SLC24A2: variants seen among roughly 807,000 people sequenced by gnomAD.
SLC24A2 encodes the protein solute carrier family 24 member 2, also known as sodium/potassium/calcium exchanger 2.
A neutral mutation model predicts 62.0 loss-of-function variants in SLC24A2; 36 were observed. The ratio of observed to expected loss-of-function variants is 0.58; its 90% CI spans 0.44 to 0.77. The LOEUF is 0.77. Among genes scored for constraint, SLC24A2 ranks in the 30% least tolerant of loss-of-function variants. The pLI is 0.00. For synonymous variants in SLC24A2, 358 were observed against 294.0 expected, an observed-to-expected ratio of 1.22 and a Z score of -2.23; for missense variants, 846 against 817.9, an observed-to-expected ratio of 1.03 and a Z score of -0.42.
chr9:19,892,932 G>A, the SLC24A2 span, among the ~76,000 whole-genome samples: 1 of 152,164 alleles, frequency 6.6e-6, no homozygotes, highest in Non-Finnish European at 1.5e-5. Context: ...AGTCCCCTTA[G>A]ATCATGAGAG....
At chr9:19,652,920 AAACCTTCTCTTCCATCCTGTTTC>A (rs142689632) in intron 2 of SLC24A2, among the ~76,000 whole-genome samples, 104,139 of 151,458 alleles carry the variant, frequency 0.69, 36,018 homozygotes, top group South Asian at 0.75. Flanking sequence ...ACGATGAGAC[AAACCTTCTCTTCCATCCTGTTTC>A]AACCTTCTCT....
the SLC24A2 span, among the ~76,000 whole-genome samples, chr9:20,234,266 G>C: frequency 2.0e-5 from 3 of 152,164 alleles, no homozygotes; most frequent in African/African-American, 7.2e-5. Context: ...GAATTTGAAT[G>C]TTGGCCTGCC....
At chr9:19,952,633 T>C in the SLC24A2 span, among the ~76,000 whole-genome samples, 1 of 151,536 alleles carries the variant, frequency 6.6e-6, no homozygotes, top group Non-Finnish European at 1.5e-5. Flanking sequence ...CATTGTTGGG[T>C]TTGGTTGGCT....
the SLC24A2 span, among the ~76,000 whole-genome samples, chr9:20,261,610 T>C: frequency 6.6e-6 from 1 of 152,282 alleles, no homozygotes; most frequent in Admixed American, 6.5e-5. Flanking sequence ...CACGTGAATT[T>C]TGGGGGATGC....
the SLC24A2 span, among the ~76,000 whole-genome samples, chr9:19,806,271 C>A: frequency 1.3e-4 from 20 of 152,088 alleles, no homozygotes; most frequent in Admixed American, 1.3e-3. Context: ...AGCTTCTAGC[C>A]ATTAACTAAA....
the SLC24A2 span, among the ~76,000 whole-genome samples, chr9:19,980,045 G>C: frequency 6.6e-6 from 1 of 152,224 alleles, no homozygotes; most frequent in Non-Finnish European, 1.5e-5. Context: ...GAAGACGCAT[G>C]TAAAGGAAAT....
rs536467829 is a variant in SLC24A2, at chr9:19,512,077, C to G, written c.*4076G>C. ...TTGGTCAACTTTTTGTTAAAGTGGT[C>G]TGGGGGTGGGCTCCCTTTGTAGCTC... On this transcript the variant is annotated 3_prime_UTR_variant, in exon 11 of 11. Coordinates refer to ENST00000341998, the MANE Select transcript of SLC24A2 (RefSeq NM_020344.4). 2.0e-5 allele frequency: 3 copies of G among 152,238 alleles called. No individual in the cohort carries two copies. In the South Asian group the frequency reaches 6.2e-4, roughly 32 times the overall value. 9.4% of individuals were successfully genotyped at this position (152,238 alleles called of 1,614,324 possible).
the SLC24A2 span, among the ~76,000 whole-genome samples, chr9:20,201,955 T>C: frequency 1.3e-5 from 2 of 151,884 alleles, no homozygotes; most frequent in African/African-American, 2.4e-5. Context: ...GAGGGAATTG[T>C]AGAAAAAAAG....
chr9:19,922,406 T>C, the SLC24A2 span, among the ~76,000 whole-genome samples: 1 of 152,236 alleles, frequency 6.6e-6, no homozygotes, highest in African/African-American at 2.4e-5. Context: ...AATCTTTTTA[T>C]GCACCCTATT....
chr9:20,210,794 G>T, the SLC24A2 span, among the ~76,000 whole-genome samples: 9 of 150,046 alleles, frequency 6.0e-5, no homozygotes, highest in African/African-American at 2.2e-4. Flanking sequence ...GTGAGCCACC[G>T]CGCCCGGCCA....
the SLC24A2 span, among the ~76,000 whole-genome samples, chr9:20,288,122 T>A: frequency 1.3e-5 from 2 of 151,682 alleles, no homozygotes; most frequent in African/African-American, 4.8e-5. Flanking sequence ...GAGAAATGAG[T>A]TTTAGAAACA....
chr9:19,828,548 T>G, the SLC24A2 span, among the ~76,000 whole-genome samples: 105,003 of 152,102 alleles, frequency 0.69, 40,873 homozygotes, highest in Non-Finnish European at 0.88. Context: ...TTCTCAGTAC[T>G]CTGTGAGTAA....
At chr9:19,899,510 A>T in the SLC24A2 span, among the ~76,000 whole-genome samples, 1 of 152,196 alleles carries the variant, frequency 6.6e-6, no homozygotes, top group Non-Finnish European at 1.5e-5. Context: ...TCTTCCTTAT[A>T]CCAGGAGAAG....
At chr9:19,584,508 A>G (rs1181497394) in intron 5 of SLC24A2, among the ~76,000 whole-genome samples, 2 of 152,178 alleles carry the variant, frequency 1.3e-5, no homozygotes, top group South Asian at 4.1e-4. Flanking sequence ...GTTCCTCCAC[A>G]AGAGATGCCA....
the SLC24A2 span, among the ~76,000 whole-genome samples, chr9:20,085,138 G>A: frequency 6.6e-6 from 1 of 152,148 alleles, no homozygotes; most frequent in Non-Finnish European, 1.5e-5. Context: ...TGGGACTACA[G>A]GAGAGCACCA....
chr9:19,518,064 C>T (rs1370448271), intron 10 of SLC24A2, among the ~76,000 whole-genome samples: 5 of 151,826 alleles, frequency 3.3e-5, no homozygotes, highest in Non-Finnish European at 7.4e-5. Flanking sequence ...TTAATTCTAT[C>T]GTCAAGAATT....
the SLC24A2 span, among the ~76,000 whole-genome samples, chr9:19,947,457 AAAGGCAGG>A: frequency 0.016 from 2,482 of 151,568 alleles, 34 homozygotes; most frequent in Non-Finnish European, 0.027. Flanking sequence ...GGAAAGAAAG[AAAGGCAGG>A]AAGGCAGGAA....
At chr9:19,720,604 A>T (rs1360229218) in intron 2 of SLC24A2, among the ~76,000 whole-genome samples, 3 of 151,776 alleles carry the variant, frequency 2.0e-5, no homozygotes, top group Non-Finnish European at 4.4e-5. Context: ...GTGCTTAAGA[A>T]TTTTCCTCAA....
At chr9:19,868,690 T>C in the SLC24A2 span, among the ~76,000 whole-genome samples, 1 of 152,196 alleles carries the variant, frequency 6.6e-6, no homozygotes, top group African/African-American at 2.4e-5. Context: ...ATCTTCCTAG[T>C]CGTATTCATG....
Sources: allele counts gnomAD v4.1 joint callset (sites outside exome capture counted in the v4.1 genomes callset), GRCh38; gene constraint gnomAD v4.1.1; transcripts MANE v1.5; gene names NCBI Gene and HGNC (gene_info 2026-07-23, HGNC 2026-07-21).